DGKB: variants seen among roughly 807,000 people sequenced by gnomAD.
The protein encoded by DGKB is 90 kDa diacylglycerol kinase.
A neutral mutation model predicts 114.3 loss-of-function variants in DGKB; 67 were observed. The observed-to-expected ratio is 0.59, with a 90% CI of 0.48 to 0.72. DGKB has a LOEUF of 0.72. Ranked by LOEUF, DGKB falls within the 30% of genes least tolerant of loss-of-function variation. The pLI is 0.00. For missense variants in DGKB, 907 were observed against 975.2 expected, an observed-to-expected ratio of 0.93 and a Z score of 0.93; for synonymous variants, 398 against 323.1, an observed-to-expected ratio of 1.23 and a Z score of -2.49.
intron 21 of DGKB, among the ~76,000 whole-genome samples, chr7:14,422,827 C>T (rs914276709): frequency 6.6e-6 from 1 of 151,792 alleles, no homozygotes; most frequent in South Asian, 2.1e-4. Flanking sequence ...GAAATAACAA[C>T]AATACAAAGA....
chr7:14,802,938 TCATA>T (rs1471526559), intron 2 of DGKB, among the ~76,000 whole-genome samples: 2 of 151,016 alleles, frequency 1.3e-5, no homozygotes, highest in African/African-American at 4.9e-5. Context: ...CTTATCTCAC[TCATA>T]CAATTAAAAA....
chr7:14,937,099 C>G (rs1336540320), intron 1 of DGKB, among the ~76,000 whole-genome samples: 1 of 149,188 alleles, frequency 6.7e-6, no homozygotes, highest in South Asian at 2.1e-4. Context: ...TATAATTTTG[C>G]TACATTTTTT....
chr7:14,937,064 A>G (rs1384473483), intron 1 of DGKB, among the ~76,000 whole-genome samples: 2 of 144,940 alleles, frequency 1.4e-5, no homozygotes, highest in Non-Finnish European at 3.0e-5. Context: ...ACACACACAC[A>G]CACACACACA....
intron 13 of DGKB, among the ~76,000 whole-genome samples, chr7:14,654,505 C>G (rs1195858896): frequency 6.6e-6 from 1 of 151,918 alleles, no homozygotes; most frequent in Non-Finnish European, 1.5e-5. Context: ...TTAAAAATTG[C>G]AATTACATTT....
intron 5 of DGKB, among the ~76,000 whole-genome samples, chr7:14,723,632 G>GTACAAAATAA (rs1829589920): frequency 6.6e-6 from 1 of 151,030 alleles, no homozygotes; most frequent in Non-Finnish European, 1.5e-5. Flanking sequence ...TACTACAATA[G>GTACAAAATAA]TACAAAATAA....
chr7:14,969,522 G>A (rs1333585326), intron 1 of DGKB, among the ~76,000 whole-genome samples: 1 of 152,088 alleles, frequency 6.6e-6, no homozygotes, highest in Non-Finnish European at 1.5e-5. Flanking sequence ...GTGAGTGGTG[G>A]GCCAATGAGC....
At chr7:14,149,298 T>G in intron 25 of DGKB, 60 bp from the exon 26 acceptor site, 2 of 1,254,560 alleles carry the variant, frequency 1.6e-6, no homozygotes, top group Non-Finnish European at 2.3e-6. Context: ...ATAGATACAA[T>G]ACCAATTTGT....
At chr7:14,241,913 G>GAT (rs764013697) in intron 23 of DGKB, among the ~76,000 whole-genome samples, 7 of 99,626 alleles carry the variant, frequency 7.0e-5, no homozygotes, top group Non-Finnish European at 1.0e-4. Context: ...ATTGCATCAA[G>GAT]ATATATACAC....
chr7:14,541,791 G>A (rs1014634788), intron 20 of DGKB, among the ~76,000 whole-genome samples: 3 of 152,132 alleles, frequency 2.0e-5, no homozygotes, highest in Admixed American at 6.5e-5. Flanking sequence ...TTCCCAATTT[G>A]ACGTCAGTAA....
chr7:14,192,945 G>A lies in DGKB; in HGVS notation c.2123-14794C>T, dbSNP rs10265231. On this transcript the variant is annotated intron_variant, in intron 23 of 25. Transcript: ENST00000402815. ...TGCTCAACCTAGGTCCCTTGCATGCGCAGTTCACAATAGGGTTTGCACTCC... is the reference window on the plus strand; with the variant it reads ...TGCTCAACCTAGGTCCCTTGCATGCACAGTTCACAATAGGGTTTGCACTCC... Among the ~76,000 whole-genome samples the A allele has an allele frequency of 5.1e-3, 776 of 151,888 alleles. 16 individuals are homozygous for A. The highest frequency in any genetic ancestry group is 0.031 in the Admixed American group (471 of 15,216).
At chr7:14,180,118 C>G (rs1449921185) in intron 23 of DGKB, among the ~76,000 whole-genome samples, 2 of 152,164 alleles carry the variant, frequency 1.3e-5, no homozygotes, top group African/African-American at 4.8e-5. Context: ...AAAACAACAA[C>G]TACCACCACG....
At chr7:14,170,611 C>A (rs575600069) in intron 25 of DGKB, among the ~76,000 whole-genome samples, 18 of 152,206 alleles carry the variant, frequency 1.2e-4, no homozygotes, top group African/African-American at 4.1e-4. Flanking sequence ...TCCTTTATAT[C>A]TTAATGGCCT....
intron 21 of DGKB, among the ~76,000 whole-genome samples, chr7:14,405,399 C>T (rs545915474): frequency 6.6e-6 from 1 of 152,004 alleles, no homozygotes; most frequent in South Asian, 2.1e-4. Context: ...GCTACTTAAT[C>T]TCTATAAATG....
chr7:14,240,604 T>G (rs17168001), intron 23 of DGKB, among the ~76,000 whole-genome samples: 11,248 of 151,986 alleles, frequency 0.074, 581 homozygotes, highest in East Asian at 0.21. Context: ...ACCAAAAACA[T>G]CAGAAAGTGC....
chr7:14,809,395 A>T (rs908195648), intron 2 of DGKB, among the ~76,000 whole-genome samples: 1 of 152,076 alleles, frequency 6.6e-6, no homozygotes, highest in Non-Finnish European at 1.5e-5. Flanking sequence ...AACATGAAGG[A>T]GGGAGGAAGT....
intron 17 of DGKB, among the ~76,000 whole-genome samples, chr7:14,595,973 A>T (rs1372925099): frequency 6.6e-6 from 1 of 152,098 alleles, no homozygotes; most frequent in African/African-American, 2.4e-5. Flanking sequence ...CAGGCATTTC[A>T]ATTTTTTGTT....
intron 1 of DGKB, among the ~76,000 whole-genome samples, chr7:14,860,142 T>C (rs892797232): frequency 2.6e-5 from 4 of 152,092 alleles, no homozygotes; most frequent in African/African-American, 9.6e-5. Context: ...ATGCCAAGTA[T>C]TTTCCTTGTT....
At chr7:14,528,672 C>A (rs1763719418) in intron 20 of DGKB, among the ~76,000 whole-genome samples, 1 of 151,898 alleles carries the variant, frequency 6.6e-6, no homozygotes, top group East Asian at 1.9e-4. Flanking sequence ...AGAAAAAAAA[C>A]TATCAAGACA....
intron 23 of DGKB, among the ~76,000 whole-genome samples, chr7:14,320,626 A>G (rs188336007): frequency 6.6e-6 from 1 of 151,994 alleles, no homozygotes; most frequent in Admixed American, 6.6e-5. Flanking sequence ...ATATATATAT[A>G]TAGTCCTGTA....
Sources: gnomAD v4.1 joint callset for allele counts (sites outside exome capture counted in the v4.1 genomes callset) on GRCh38, gnomAD v4.1.1 for gene constraint, MANE v1.5 for transcripts, NCBI Gene and HGNC (gene_info 2026-07-23, HGNC 2026-07-21) for gene names.